The following DSC2 variants were observed in gnomAD, a reference collection of about 807,000 sequenced individuals.
The protein encoded by DSC2 is desmocollin-2.
Under a neutral mutation model 87.6 loss-of-function variants are expected in DSC2, and 51 were observed. The observed-to-expected ratio is 0.58, with a 90% CI of 0.46 to 0.74. DSC2 has a LOEUF of 0.74. Ranked by LOEUF, DSC2 falls within the 30% of genes least tolerant of loss-of-function variation. The pLI, the probability that DSC2 is intolerant of heterozygous loss-of-function variation, is 0.00. For synonymous variants in DSC2, 383 were observed against 393.2 expected, an observed-to-expected ratio of 0.97 and a Z score of 0.31; for missense variants, 1,066 against 1,089.5, an observed-to-expected ratio of 0.98 and a Z score of 0.30.
At chr18:31,068,304 A>C in intron 15 of DSC2, 92 bp from the exon 16 acceptor site, 1 of 1,613,608 alleles carries the variant, frequency 6.2e-7, no homozygotes, top group Non-Finnish European at 8.5e-7. Context: ...TTTACCTTTC[A>C]TTGTTTAATT....
At position 31,089,533 on chromosome 18, in the gene DSC2, T is replaced by C. The variant is rs760185784; in HGVS notation, c.536A>G (p.Asp179Gly). Residue 179 changes from aspartate (D) to glycine (G), a missense_variant, in exon 5 of 16, where the codon GAC becomes GGC. Coordinates refer to ENST00000280904, the MANE Select transcript of DSC2 (RefSeq NM_024422.6). ...IYYSIRGPGV[D>G]QEPRNLFYVE... is the part of the protein sequence containing the mutation. The stretch of plus-strand genomic sequence containing the variant: ...ATAAAATAAATTCCGAGGTTCTTGG[T>C]CAACTCCAGGACCTCTTATGGAATA... 3 of 1,613,988 alleles carry C rather than the reference T, an allele frequency of 1.9e-6. No individual in the cohort carries two copies. Among genetic ancestry groups the C allele is most frequent in the Non-Finnish European group, 2.5e-6 (3 of 1,179,942 alleles).
At chr18:31,091,410 G>A (rs1418497577) in intron 3 of DSC2, 8 of 554,574 alleles carry the variant, frequency 1.4e-5, no homozygotes, top group Admixed American at 2.5e-5. Flanking sequence ...AAGCCTAGAA[G>A]CAAAACTGAA....
In DSC2 at chr18:31,067,097, T is replaced by C. The variant is rs1436902623; in HGVS notation, c.*918A>G. ...GATAATGAAGCAATCACCAAGATAT[T>C]TGAAACAACAAAGTTAACATTACAA... On this transcript the variant is annotated 3_prime_UTR_variant, in exon 16 of 16. Coordinates refer to ENST00000280904, the MANE Select transcript of DSC2 (RefSeq NM_024422.6). The C allele has an allele frequency of 6.6e-6, 1 of 151,854 alleles. No homozygotes were observed. The highest frequency in any genetic ancestry group is 2.4e-5 in the African/African-American group (1 of 41,394). 9.4% of individuals were successfully genotyped at this position (151,854 alleles called of 1,614,324 possible). A position where few individuals can be genotyped will look rare whatever the true frequency, so the allele number is the denominator to read the frequency against.
In DSC2 at chr18:31,061,143, G is replaced by A. The variant is rs1986493013; in HGVS notation, c.*6872C>T. On this transcript the variant is annotated 3_prime_UTR_variant, in exon 16 of 16. Coordinates refer to ENST00000280904, the MANE Select transcript of DSC2 (RefSeq NM_024422.6). ...TCTCTATTTTCAGCAACACCAGGGT[G>A]ATTCTGATGCTGATGGTCAGTGAAA... 6.6e-6 allele frequency: 1 copy of A among 152,218 alleles called. No homozygotes were observed. The highest frequency in any genetic ancestry group is 6.5e-5 in the Admixed American group (1 of 15,274). The allele number at this position is 152,218 out of a possible 1,614,324, so 9.4% of individuals were successfully genotyped here.
In DSC2 at chr18:31,074,746, C is replaced by G. The variant is rs2144799665; in HGVS notation, c.1825G>C (p.Asp609His). Residue 609 changes from aspartate (D) to histidine (H), a missense_variant, in exon 12 of 16, where the codon GAC becomes CAC. Physicochemically the swap from Asp to His is moderately conservative, Grantham distance 81. Transcript: ENST00000280904. Reference sequence around the variant, plus strand: ...GAAGTAGAACTCTCCAGACTAAAGTCAAAGGGTGGGCCATGGATAGGCTCA... The same window carrying G: ...GAAGTAGAACTCTCCAGACTAAAGTGAAAGGGTGGGCCATGGATAGGCTCA... The part of the protein sequence containing the change: ...PDEPIHGPPF[D>H]FSLESSTSEV... 1 of 1,613,940 alleles carries G rather than the reference C, an allele frequency of 6.2e-7. No homozygotes were observed. The highest frequency in any genetic ancestry group is 8.5e-7 in the Non-Finnish European group (1 of 1,179,948).
At chr18:31,091,777 A>T (rs1443973199) in intron 3 of DSC2, among the ~76,000 whole-genome samples, 1 of 152,194 alleles carries the variant, frequency 6.6e-6, no homozygotes, top group Non-Finnish European at 1.5e-5. Context: ...TCCTTTCTTT[A>T]TACAGAGTTT....
chr18:31,083,453 A>C (rs1375221459), intron 7 of DSC2, among the ~76,000 whole-genome samples: 1 of 151,604 alleles, frequency 6.6e-6, no homozygotes, highest in Admixed American at 6.6e-5. Flanking sequence ...GTCTTTATTC[A>C]ACAGAAAAAG....
chr18:31,078,083 T>C (rs759455924), intron 11 of DSC2, among the ~76,000 whole-genome samples: 15 of 151,982 alleles, frequency 9.9e-5, no homozygotes, highest in Non-Finnish European at 1.8e-4. Flanking sequence ...GCTGCGGAGA[T>C]GTAGGAAGGC....
chr18:31,067,410 G>A lies in DSC2; in HGVS notation c.*605C>T, dbSNP rs1188659374. On this transcript the variant is annotated 3_prime_UTR_variant, in exon 16 of 16. Coordinates refer to ENST00000280904, the MANE Select transcript of DSC2 (RefSeq NM_024422.6). ...ACTGGCAAAAGTAGGTAACAGAGGAGACACAGATTCAGTGCAGGATTTTAT... is the reference window on the plus strand; with the variant it reads ...ACTGGCAAAAGTAGGTAACAGAGGAAACACAGATTCAGTGCAGGATTTTAT... 1 of 152,104 alleles carries A rather than the reference G, an allele frequency of 6.6e-6. No homozygotes were observed. Among genetic ancestry groups the A allele is most frequent in the Non-Finnish European group, 1.5e-5 (1 of 68,014 alleles). The allele number at this position is 152,104 out of a possible 1,614,324, so 9.4% of individuals were successfully genotyped here.
At chr18:31,085,043 G>A (rs926819551) in intron 7 of DSC2, among the ~76,000 whole-genome samples, 2 of 152,032 alleles carry the variant, frequency 1.3e-5, no homozygotes, top group African/African-American at 4.8e-5. Flanking sequence ...ACGTAATAAA[G>A]TACAAAAGGT....
In DSC2 at chr18:31,080,367, G is replaced by T. The variant is rs1361768625; in HGVS notation, c.1264-15C>A. The T allele has an allele frequency of 6.2e-7, 1 of 1,612,758 alleles. No individual in the cohort carries two copies. Among genetic ancestry groups the T allele is most frequent in the East Asian group, 2.2e-5 (1 of 44,858 alleles). On this transcript the variant is annotated splice_polypyrimidine_tract_variant and intron_variant, in intron 9 of 15. Coordinates refer to ENST00000280904, the MANE Select transcript of DSC2 (RefSeq NM_024422.6). ...TAATTCAAAGGCTACGAAAGCAAAT[G>T]TATTGAAAAATCAGATGAACTCATT... is the stretch of plus-strand genomic sequence containing the variant.
At chr18:31,090,681 C>T (rs1224968092) in intron 4 of DSC2, among the ~76,000 whole-genome samples, 3 of 152,170 alleles carry the variant, frequency 2.0e-5, no homozygotes, top group Non-Finnish European at 2.9e-5. Context: ...ATGTGTCTTC[C>T]TCCTTCGTGG....
intron 11 of DSC2, among the ~76,000 whole-genome samples, chr18:31,075,208 G>A (rs1986975705): frequency 1.3e-5 from 2 of 152,120 alleles, no homozygotes; most frequent in South Asian, 4.1e-4. Context: ...GACACTTCTG[G>A]TATATTTAAA....
At chr18:31,076,925 A>C (rs1158607030) in intron 11 of DSC2, among the ~76,000 whole-genome samples, 3 of 152,228 alleles carry the variant, frequency 2.0e-5, no homozygotes, top group African/African-American at 7.2e-5. Flanking sequence ...TAATGGGTTA[A>C]TAGCTGCACA....
chr18:31,091,578 A>G (rs1567982570), intron 3 of DSC2: 1 of 459,066 alleles, frequency 2.2e-6, no homozygotes, highest in East Asian at 6.9e-5. Context: ...CTGTGTCAGA[A>G]TGAGGAGAGA....
In DSC2 at chr18:31,065,425, A is replaced by G. The variant is rs1986590695; in HGVS notation, c.*2590T>C. On this transcript the variant is annotated 3_prime_UTR_variant, in exon 16 of 16. Coordinates refer to ENST00000280904, the MANE Select transcript of DSC2 (RefSeq NM_024422.6). ...AATTAACTCTGACAAAGCCCTGTCA[A>G]GTAGACTCCTCTACCCTCCTCAGTA... 6.6e-6 allele frequency: 1 copy of G among 152,262 alleles called. No individual in the cohort carries two copies. Among genetic ancestry groups the G allele is most frequent in the Non-Finnish European group, 1.5e-5 (1 of 68,078 alleles). The allele number at this position is 152,262 out of a possible 1,614,324, so 9.4% of individuals were successfully genotyped here.
Position 31,080,143 on chromosome 18 carries a change from A to G in DSC2, c.1473T>C (p.Asn491=). 3.7e-6 allele frequency: 6 copies of G among 1,614,064 alleles called. No homozygotes were observed. The highest frequency in any genetic ancestry group is 5.1e-6 in the Non-Finnish European group (6 of 1,179,998). ...TTTCTGGGTCATATGCTTTATATCC[A>G]TTGCTTGTTGTTCCCACTTCTGCAT... ...KENAEVGTTS[N]GYKAYDPETR... The change falls in exon 10 of 16, where the codon AAT becomes AAC. Residue 491 remains asparagine, a synonymous_variant. Transcript: ENST00000280904.
At chr18:31,096,281 C>A (rs1987757852) in intron 1 of DSC2, among the ~76,000 whole-genome samples, 2 of 152,082 alleles carry the variant, frequency 1.3e-5, no homozygotes, top group Admixed American at 6.6e-5. Flanking sequence ...AAAGAGCTAA[C>A]AAAATAGCAA....
Position 31,061,046 on chromosome 18 carries a change from T to A in DSC2, c.*6969A>T, listed in dbSNP as rs1214353699. ...GAGTAAGAAAAAATGACCTAGAAAA[T>A]GTATTGAAAAGTGAAGGCTTCTATA... On this transcript the variant is annotated 3_prime_UTR_variant, in exon 16 of 16. Coordinates refer to ENST00000280904, the MANE Select transcript of DSC2 (RefSeq NM_024422.6). 2 of 152,090 alleles carry A rather than the reference T, an allele frequency of 1.3e-5. No individual in the cohort carries two copies. The highest frequency in any genetic ancestry group is 3.9e-4 in the East Asian group (2 of 5,190). 9.4% of individuals were successfully genotyped at this position (152,090 alleles called of 1,614,324 possible). A position where few individuals can be genotyped will look rare whatever the true frequency, so the allele number is the denominator to read the frequency against.
Sources: gnomAD v4.1 joint callset for allele counts (sites outside exome capture counted in the v4.1 genomes callset) on GRCh38, gnomAD v4.1.1 for gene constraint, MANE v1.5 for transcripts, NCBI Gene and HGNC (gene_info 2026-07-23, HGNC 2026-07-21) for gene names.